Variants in SORCS1 observed in about 807,000 individuals in gnomAD.
The protein encoded by SORCS1 is sortilin related VPS10 domain containing receptor 1.
Under a neutral mutation model 146.1 loss-of-function variants are expected in SORCS1, and 60 were observed. The observed-to-expected ratio is 0.41, with a 90% CI of 0.33 to 0.51. The LOEUF (loss-of-function observed/expected upper bound fraction) is 0.51. Ranked by LOEUF, SORCS1 falls within the 20% of genes least tolerant of loss-of-function variation. SORCS1 has a pLI of 0.21. For synonymous variants in SORCS1, 637 were observed against 584.0 expected (o/e 1.09, Z -1.31); for missense variants, 1,352 against 1,487.6 (o/e 0.91, Z 1.50).
At chr10:106,679,426 C>T (rs1852274335) in intron 11 of SORCS1, 94 bp from the exon 12 acceptor site, 1 of 1,105,730 alleles carries the variant, frequency 9.0e-7, no homozygotes, top group African/African-American at 1.5e-5. Flanking sequence ...AAGATTTTGA[C>T]TGCAAGCATT....
At chr10:107,150,950 T>A (rs1421286018) in intron 1 of SORCS1, among the ~76,000 whole-genome samples, 2 of 152,196 alleles carry the variant, frequency 1.3e-5, no homozygotes, top group Non-Finnish European at 2.9e-5. Flanking sequence ...GGTATATCTT[T>A]ATTAGCAGCA....
intron 2 of SORCS1, among the ~76,000 whole-genome samples, chr10:106,850,416 G>C (rs919776499): frequency 6.6e-6 from 1 of 152,072 alleles, no homozygotes; most frequent in African/African-American, 2.4e-5. Context: ...CACTTCCCAG[G>C]TGAGGCAATG....
At chr10:106,854,682 A>C (rs962955096) in intron 2 of SORCS1, among the ~76,000 whole-genome samples, 6 of 152,006 alleles carry the variant, frequency 3.9e-5, no homozygotes, top group Non-Finnish European at 2.9e-5. Flanking sequence ...ACCACTAATG[A>C]AGTTCACTTC....
chr10:106,636,088 G>A (rs1205919089), intron 18 of SORCS1, among the ~76,000 whole-genome samples: 1 of 152,176 alleles, frequency 6.6e-6, no homozygotes, highest in East Asian at 1.9e-4. Flanking sequence ...TGTATACAAA[G>A]TGAGAGTGCA....
At position 106,990,599 on chromosome 10, in the gene SORCS1, G is replaced by C. The variant is rs1203598475; in HGVS notation, c.559-34019C>G. On this transcript the variant is annotated intron_variant, in intron 1 of 25. Transcript: ENST00000263054. ...TTTTCTTTCTTCAGAACGAATGCTG[G>C]TCCTTTTGTCATGACGTGTGATAGT... 3.3e-5 allele frequency among the ~76,000 whole-genome samples: 5 copies of C among 152,168 alleles called. No homozygotes were observed. The East Asian group carries it at 5.8e-4, about 18-fold the overall frequency.
chr10:106,968,064 G>A (rs2139163910), intron 1 of SORCS1, among the ~76,000 whole-genome samples: 1 of 150,612 alleles, frequency 6.6e-6, no homozygotes, highest in Middle Eastern at 3.5e-3. Flanking sequence ...AAAAAAGTTA[G>A]CTGGGCGTGG....
intron 3 of SORCS1, among the ~76,000 whole-genome samples, chr10:106,793,972 C>G (rs549446398): frequency 1.3e-5 from 2 of 152,330 alleles, no homozygotes; most frequent in Admixed American, 1.3e-4. Context: ...GAATGTATAA[C>G]TGCCACAAAG....
chr10:106,824,922 A>AG (rs1315592519), intron 3 of SORCS1, among the ~76,000 whole-genome samples: 2 of 152,128 alleles, frequency 1.3e-5, no homozygotes, highest in Admixed American at 1.3e-4. Flanking sequence ...TGGAGTGTGA[A>AG]GGGGGTGCAG....
chr10:106,729,975 T>C, intron 6 of SORCS1, 75 bp downstream of exon 6: 2 of 1,533,254 alleles, frequency 1.3e-6, no homozygotes, highest in Admixed American at 3.3e-5. Flanking sequence ...ATGAGATTAT[T>C]ACACAGACTC....
At chr10:106,862,749 T>A (rs1309993590) in intron 2 of SORCS1, among the ~76,000 whole-genome samples, 4 of 114,738 alleles carry the variant, frequency 3.5e-5, no homozygotes, top group African/African-American at 1.4e-4. Context: ...ATCAAGACCA[T>A]CCTGGCTAAC....
At chr10:106,830,563 C>G (rs893640081) in intron 2 of SORCS1, among the ~76,000 whole-genome samples, 33 of 134,872 alleles carry the variant, frequency 2.4e-4, no homozygotes, top group African/African-American at 9.1e-4. Context: ...TATACCTCAG[C>G]TTTTTTTTTT....
At chr10:106,638,375 T>C (rs1443222239) in intron 18 of SORCS1, among the ~76,000 whole-genome samples, 1 of 152,062 alleles carries the variant, frequency 6.6e-6, no homozygotes, top group Admixed American at 6.6e-5. Context: ...CAGAAATATG[T>C]TAGCTTTATT....
At chr10:106,659,724 C>G (rs1186429391) in intron 17 of SORCS1, among the ~76,000 whole-genome samples, 1 of 152,086 alleles carries the variant, frequency 6.6e-6, no homozygotes, top group Admixed American at 6.6e-5. Flanking sequence ...TACCATAGCA[C>G]CAGGATAAGA....
intron 1 of SORCS1, among the ~76,000 whole-genome samples, chr10:107,148,741 G>A (rs1479142283): frequency 6.6e-6 from 1 of 152,126 alleles, no homozygotes; most frequent in Non-Finnish European, 1.5e-5. Flanking sequence ...CCTTCTCCCT[G>A]CCCTAAGATT....
At chr10:106,839,965 A>G (rs1319880730) in intron 2 of SORCS1, among the ~76,000 whole-genome samples, 1 of 152,166 alleles carries the variant, frequency 6.6e-6, no homozygotes, top group South Asian at 2.1e-4. Context: ...TCCTTTCAAA[A>G]TATTACTGCT....
intron 1 of SORCS1, among the ~76,000 whole-genome samples, chr10:107,036,584 T>G (rs1428981793): frequency 6.6e-6 from 1 of 152,178 alleles, no homozygotes; most frequent in Non-Finnish European, 1.5e-5. Context: ...TCAAGCTATT[T>G]GGGTTGATTG....
At chr10:107,087,183 G>T (rs557101234) in intron 1 of SORCS1, among the ~76,000 whole-genome samples, 1 of 152,134 alleles carries the variant, frequency 6.6e-6, no homozygotes, top group South Asian at 2.1e-4. Flanking sequence ...CAAAATAATT[G>T]TCCCCTATAA....
chr10:106,776,390 T>C (rs995160149), intron 4 of SORCS1, 144 bp downstream of exon 4: 21 of 989,524 alleles, frequency 2.1e-5, no homozygotes, highest in Non-Finnish European at 2.7e-5. Flanking sequence ...CTCTCCTTGC[T>C]TTCCCTTGTC....
chr10:106,752,182 G>A (rs187066284), intron 5 of SORCS1, among the ~76,000 whole-genome samples: 1 of 152,110 alleles, frequency 6.6e-6, no homozygotes, highest in Admixed American at 6.6e-5. Flanking sequence ...CACATATATA[G>A]AGCTGCAATC....
Sources: gnomAD v4.1 joint callset for allele counts (sites outside exome capture counted in the v4.1 genomes callset) on GRCh38, gnomAD v4.1.1 for gene constraint, MANE v1.5 for transcripts, NCBI Gene and HGNC (gene_info 2026-07-23, HGNC 2026-07-21) for gene names.